Variants in PYGB observed in about 807,000 individuals in gnomAD.
The protein encoded by PYGB is glycogen phosphorylase, brain form.
In PYGB, 82 loss-of-function variants were observed where a neutral mutation model predicts 94.3. That is an observed-to-expected ratio of 0.87 (90% CI 0.73 to 1.04). The LOEUF (loss-of-function observed/expected upper bound fraction) is 1.04, where lower values mean the gene tolerates loss of function less well. Among genes scored for constraint, PYGB ranks in the 50% least tolerant of loss-of-function variants. The pLI is 0.00. For synonymous variants in PYGB, 488 were observed against 479.1 expected (o/e 1.02, Z -0.24); for missense variants, 1,132 against 1,158.2 (o/e 0.98, Z 0.33).
intron 1 of PYGB, among the ~76,000 whole-genome samples, chr20:25,252,784 T>C (rs958853633): frequency 6.6e-6 from 1 of 152,218 alleles, no homozygotes; most frequent in Non-Finnish European, 1.5e-5. Context: ...TTGGGGATTT[T>C]ATGGAGGCCG....
intron 9 of PYGB, among the ~76,000 whole-genome samples, chr20:25,279,807 G>C (rs1007564862): frequency 3.3e-5 from 5 of 152,126 alleles, no homozygotes; most frequent in Non-Finnish European, 7.4e-5. Flanking sequence ...CTCTGGTCTT[G>C]GGGTGTGTGC....
At chr20:25,261,233 T>G (rs1390301782) in intron 2 of PYGB, among the ~76,000 whole-genome samples, 1 of 152,166 alleles carries the variant, frequency 6.6e-6, no homozygotes, top group African/African-American at 2.4e-5. Context: ...CACCTCCCAG[T>G]AGGGGCCGAC....
chr20:25,274,818 G>A, intron 5 of PYGB, 95 bp downstream of exon 5: 3 of 1,503,930 alleles, frequency 2.0e-6, no homozygotes, highest in South Asian at 2.6e-5. Flanking sequence ...TTGGCTTGGG[G>A]GGCTTGCTGC....
chr20:25,293,871 G>C (rs916716151), intron 17 of PYGB: 2 of 454,724 alleles, frequency 4.4e-6, no homozygotes, highest in African/African-American at 2.0e-5. Context: ...TAGGAATGTG[G>C]CATCAGCCAC....
chr20:25,291,387 G>C (rs1031186443), intron 16 of PYGB, among the ~76,000 whole-genome samples: 1 of 152,030 alleles, frequency 6.6e-6, no homozygotes, highest in African/African-American at 2.4e-5. Flanking sequence ...AGGGCCAAGG[G>C]CCCCCCCTAG....
intron 16 of PYGB, 136 bp downstream of exon 16, chr20:25,290,758 G>C (rs546497031): frequency 1.2e-5 from 16 of 1,295,096 alleles, no homozygotes; most frequent in Non-Finnish European, 1.6e-5. Context: ...GGCTGCAGGC[G>C]AGCAGGGAAC....
intron 3 of PYGB, 149 bp downstream of exon 3, chr20:25,269,356 C>G (rs1362088806): frequency 1.7e-6 from 1 of 597,524 alleles, no homozygotes; most frequent in African/African-American, 1.9e-5. Flanking sequence ...AATCTTGCCA[C>G]TAGTGGGGGG....
intron 5 of PYGB, 123 bp from the exon 6 acceptor site, chr20:25,276,523 A>G (rs1412532337): frequency 9.7e-6 from 7 of 718,512 alleles, no homozygotes; most frequent in African/African-American, 7.3e-5. Context: ...TTTGGGCAGA[A>G]GGGGGAGACG....
chr20:25,269,366 GA>G (rs933239724), intron 3 of PYGB, among the ~76,000 whole-genome samples, 159 bp downstream of exon 3: 3 of 152,216 alleles, frequency 2.0e-5, no homozygotes, highest in African/African-American at 7.2e-5. Context: ...CTAGTGGGGG[GA>G]AAGGGGGAAA....
chr20:25,282,876 T>A (rs563580920), intron 12 of PYGB, among the ~76,000 whole-genome samples: 30 of 151,760 alleles, frequency 2.0e-4, no homozygotes, highest in Non-Finnish European at 3.5e-4. Flanking sequence ...GGGTTTTGGG[T>A]GGTGATGGGA....
At chr20:25,251,858 T>G (rs3787079) in intron 1 of PYGB, among the ~76,000 whole-genome samples, 4,702 of 152,334 alleles carry the variant, frequency 0.031, 99 homozygotes, top group Middle Eastern at 0.095. Context: ...GGGCCCACAC[T>G]GCTGTCCTAA....
intron 4 of PYGB, among the ~76,000 whole-genome samples, chr20:25,273,873 G>A (rs1258971770): frequency 6.6e-6 from 1 of 152,018 alleles, no homozygotes; most frequent in East Asian, 1.9e-4. Context: ...TTTAGAGATA[G>A]GTCCTGCCCT....
intron 15 of PYGB, among the ~76,000 whole-genome samples, chr20:25,289,662 A>T (rs1251432011): frequency 1.3e-5 from 2 of 152,172 alleles, no homozygotes; most frequent in African/African-American, 4.8e-5. Context: ...AAAGAAAAAA[A>T]AAAGAAGGAA....
At chr20:25,278,813 C>T (rs146655912) in intron 8 of PYGB, among the ~76,000 whole-genome samples, 21 of 152,370 alleles carry the variant, frequency 1.4e-4, no homozygotes, top group African/African-American at 3.8e-4. Flanking sequence ...AGCACATACC[C>T]GCAGCAGAGC....
intron 18 of PYGB, 87 bp downstream of exon 18, chr20:25,294,379 G>T: frequency 6.8e-7 from 1 of 1,461,122 alleles, no homozygotes. Flanking sequence ...CACCTTGTTT[G>T]GAGAGCAAAA....
At chr20:25,295,015 T>C in intron 18 of PYGB, 4 of 1,614,222 alleles carry the variant, frequency 2.5e-6, no homozygotes, top group Non-Finnish European at 2.5e-6. Flanking sequence ...GGCTGGAACC[T>C]GGGCCCTGCT....
At chr20:25,277,751 G>A (rs1216987134) in intron 7 of PYGB, among the ~76,000 whole-genome samples, 1 of 152,256 alleles carries the variant, frequency 6.6e-6, no homozygotes, top group Admixed American at 6.5e-5. Flanking sequence ...GATGCCTGGG[G>A]ACATTTGAAA....
intron 3 of PYGB, among the ~76,000 whole-genome samples, chr20:25,269,970 G>C (rs1436237227): frequency 6.6e-6 from 1 of 152,060 alleles, no homozygotes; most frequent in Non-Finnish European, 1.5e-5. Flanking sequence ...CTGCCCACAG[G>C]GTCCTGTACC....
intron 1 of PYGB, among the ~76,000 whole-genome samples, chr20:25,254,647 A>G (rs1397448324): frequency 6.6e-6 from 1 of 152,248 alleles, no homozygotes; most frequent in Non-Finnish European, 1.5e-5. Context: ...ATGAAAGATT[A>G]AAGTAGTGTT....
Sources: gnomAD v4.1 joint callset for allele counts (sites outside exome capture counted in the v4.1 genomes callset) on GRCh38, gnomAD v4.1.1 for gene constraint, MANE v1.5 for transcripts, NCBI Gene and HGNC (gene_info 2026-07-23, HGNC 2026-07-21) for gene names.